The following LYRM1 variants were observed in gnomAD, a reference collection of about 807,000 sequenced individuals.
The protein encoded by LYRM1 is LYR motif containing 1.
In LYRM1, 14 loss-of-function variants were observed where a neutral mutation model predicts 14.9. That is an observed-to-expected ratio of 0.94 (90% CI 0.62 to 1.47). LYRM1 has a LOEUF of 1.47. Among genes scored for constraint, LYRM1 ranks in the 40% most tolerant of loss-of-function variants. The pLI is 0.00. For missense variants in LYRM1, 153 were observed against 149.9 expected, an observed-to-expected ratio of 1.02 and a Z score of -0.11; for synonymous variants, 43 against 56.2, an observed-to-expected ratio of 0.77 and a Z score of 1.05.
In LYRM1 at chr16:20,900,799, C is replaced by A; in HGVS notation, c.-91C>A. On this transcript the variant is annotated 5_prime_UTR_variant, in exon 1 of 4. Coordinates refer to ENST00000567954, the MANE Select transcript of LYRM1 (RefSeq NM_001128302.3). ...CTGGACCAGCCTGTGCTCGGTCGGC[C>A]ACGGCTCTGCTGGGCTCCTGGCGCC... The A allele has an allele frequency of 6.6e-6, 1 of 152,662 alleles. No homozygotes were observed. Among genetic ancestry groups the A allele is most frequent in the Non-Finnish European group, 1.5e-5 (1 of 68,368 alleles). The allele number at this position is 152,662 out of a possible 1,614,324, so 9.5% of individuals were successfully genotyped here.
intron 1 of LYRM1, among the ~76,000 whole-genome samples, chr16:20,906,156 G>C (rs2082309157): frequency 6.6e-6 from 1 of 152,174 alleles, no homozygotes; most frequent in African/African-American, 2.4e-5. Flanking sequence ...TGATAGAGTA[G>C]GATGAACATT....
intron 1 of LYRM1, among the ~76,000 whole-genome samples, chr16:20,904,727 T>TG (rs2082238727): frequency 2.0e-4 from 7 of 34,816 alleles, no homozygotes; most frequent in Non-Finnish European, 4.1e-4. Flanking sequence ...GTGTGTGTGT[T>TG]TAATTGATAG....
At chr16:20,903,331 G>A (rs1325529721) in intron 1 of LYRM1, among the ~76,000 whole-genome samples, 1 of 152,208 alleles carries the variant, frequency 6.6e-6, no homozygotes, top group Non-Finnish European at 1.5e-5. Flanking sequence ...CCGTCTATGT[G>A]GCTCATGCTC....
chr16:20,918,325 A>G (rs2083011962), intron 2 of LYRM1, among the ~76,000 whole-genome samples: 1 of 152,140 alleles, frequency 6.6e-6, no homozygotes, highest in African/African-American at 2.4e-5. Flanking sequence ...TCGAGGAGTG[A>G]GCCAGAGGGA....
At chr16:20,914,508 C>A (rs963826711) in intron 1 of LYRM1, among the ~76,000 whole-genome samples, 27 of 149,620 alleles carry the variant, frequency 1.8e-4, no homozygotes, top group Non-Finnish European at 3.8e-4. Context: ...CACCATGTTG[C>A]CCAGGCTAGT....
At chr16:20,910,101 TCAGGTAAAAG>T (rs2152537046) in intron 1 of LYRM1, among the ~76,000 whole-genome samples, 1 of 152,228 alleles carries the variant, frequency 6.6e-6, no homozygotes, top group South Asian at 2.1e-4. Flanking sequence ...ATAGGGTTGG[TCAGGTAAAAG>T]GGAGGGGTTC....
intron 3 of LYRM1, chr16:20,921,164 A>T (rs1182290341): frequency 6.6e-6 from 1 of 152,098 alleles, no homozygotes; most frequent in African/African-American, 2.4e-5. Context: ...GTCATGGCCC[A>T]CTGCAGCCTT....
At chr16:20,906,518 G>A (rs554880814) in intron 1 of LYRM1, among the ~76,000 whole-genome samples, 1 of 152,340 alleles carries the variant, frequency 6.6e-6, no homozygotes, top group Non-Finnish European at 1.5e-5. Context: ...TAAATGGAAA[G>A]GGGTGTTTAA....
In LYRM1 at chr16:20,924,185, C is replaced by A; in HGVS notation, c.*69C>A. ...ATTGAATGTAAACCAGATGGCAAAA[C>A]ACTTCTTGATTAGGGGCAAAAATTC... On this transcript the variant is annotated 3_prime_UTR_variant, in exon 4 of 4. Transcript: ENST00000567954. 2 of 850,834 alleles carry A rather than the reference C, an allele frequency of 2.4e-6. No homozygotes were observed. Among genetic ancestry groups the A allele is most frequent in the South Asian group, 1.6e-5 (1 of 62,644 alleles). 52.7% of individuals were successfully genotyped at this position (850,834 alleles called of 1,614,324 possible).
intron 1 of LYRM1, among the ~76,000 whole-genome samples, chr16:20,914,909 C>CAA (rs775472170): frequency 1.8e-4 from 28 of 152,304 alleles, no homozygotes; most frequent in Admixed American, 1.1e-3. Context: ...ATTCAGTTAT[C>CAA]AAAAATATGC....
At chr16:20,918,149 C>G (rs959012625) in intron 2 of LYRM1, among the ~76,000 whole-genome samples, 1 of 152,058 alleles carries the variant, frequency 6.6e-6, no homozygotes, top group African/African-American at 2.4e-5. Context: ...GTTGTTCTGC[C>G]CAAGTAATAA....
At chr16:20,902,872 T>C (rs1395567894) in intron 1 of LYRM1, among the ~76,000 whole-genome samples, 1 of 152,188 alleles carries the variant, frequency 6.6e-6, no homozygotes, top group African/African-American at 2.4e-5. Context: ...GAACACTGTG[T>C]TCATAAGGTA....
At chr16:20,913,980 T>C (rs2082733755) in intron 1 of LYRM1, among the ~76,000 whole-genome samples, 1 of 152,018 alleles carries the variant, frequency 6.6e-6, no homozygotes, top group East Asian at 1.9e-4. Context: ...AGCTAATTTT[T>C]TGTATTTTTA....
At chr16:20,908,384 G>C (rs1015505076) in intron 1 of LYRM1, among the ~76,000 whole-genome samples, 3 of 152,196 alleles carry the variant, frequency 2.0e-5, no homozygotes, top group Non-Finnish European at 2.9e-5. Flanking sequence ...GCAATCAACA[G>C]ACATTCAACA....
In LYRM1 at chr16:20,911,636, T is replaced by C. The variant is rs545331814; in HGVS notation, c.1-3920T>C. ...CTGGTTCAAGGCTGTACAATATTCA[T>C]TGTTCTAATTCTGACTAATCAGAAT... On this transcript the variant is annotated intron_variant, in intron 1 of 3. Transcript: ENST00000567954. Among the ~76,000 whole-genome samples the C allele has an allele frequency of 8.5e-5, 13 of 152,308 alleles. No individual in the cohort carries two copies. The South Asian group carries it at 2.1e-3, about 24-fold the overall frequency.
chr16:20,915,471 A>C (rs1022802303), intron 1 of LYRM1, 85 bp from the exon 2 acceptor site: 47 of 1,344,776 alleles, frequency 3.5e-5, no homozygotes, highest in South Asian at 7.1e-5. Flanking sequence ...AAAAAAAAAA[A>C]AAAAAACTGT....
chr16:20,911,029 A>G (rs866283760), intron 1 of LYRM1, among the ~76,000 whole-genome samples: 1 of 152,344 alleles, frequency 6.6e-6, no homozygotes, highest in Non-Finnish European at 1.5e-5. Context: ...GAAAAATGTC[A>G]TCATCTCATC....
chr16:20,906,374 C>T (rs1484609887), intron 1 of LYRM1, among the ~76,000 whole-genome samples: 3 of 152,210 alleles, frequency 2.0e-5, no homozygotes, highest in Non-Finnish European at 4.4e-5. Flanking sequence ...ACCATGATCT[C>T]ATTTGGGTGG....
intron 1 of LYRM1, among the ~76,000 whole-genome samples, chr16:20,904,885 A>C (rs1775829965): frequency 6.6e-6 from 1 of 152,080 alleles, no homozygotes; most frequent in Non-Finnish European, 1.5e-5. Flanking sequence ...GTAAGAGATA[A>C]AGGAAGAAAA....
Sources: allele counts gnomAD v4.1 joint callset (sites outside exome capture counted in the v4.1 genomes callset), GRCh38; gene constraint gnomAD v4.1.1; transcripts MANE v1.5; gene names NCBI Gene and HGNC (gene_info 2026-07-23, HGNC 2026-07-21).